SLC24A2: variants seen among roughly 807,000 people sequenced by gnomAD.
The protein encoded by SLC24A2 is solute carrier family 24 member 2.
SLC24A2 carries 36 observed loss-of-function variants against 62.0 expected under a neutral mutation model. The ratio of observed to expected loss-of-function variants is 0.58; its 90% CI spans 0.44 to 0.77. The LOEUF (loss-of-function observed/expected upper bound fraction) is 0.77, where lower values mean the gene tolerates loss of function less well. Ranked by LOEUF, SLC24A2 falls within the 30% of genes least tolerant of loss-of-function variation. SLC24A2 has a pLI of 0.00. For missense variants in SLC24A2, 846 were observed against 817.9 expected (o/e 1.03, Z -0.42); for synonymous variants, 358 against 294.0 (o/e 1.22, Z -2.23).
chr9:19,601,628 A>G (rs1836843476), intron 4 of SLC24A2, among the ~76,000 whole-genome samples: 1 of 141,920 alleles, frequency 7.0e-6, no homozygotes, highest in African/African-American at 2.7e-5. Context: ...AGATAATTTT[A>G]AACACTGACA....
chr9:20,024,568 C>T, the SLC24A2 span, among the ~76,000 whole-genome samples: 3,526 of 152,128 alleles, frequency 0.023, 139 homozygotes, highest in African/African-American at 0.08. Flanking sequence ...GCATTGGGAA[C>T]GTGATAAGAT....
In SLC24A2 at chr9:19,507,532, T is replaced by C. The variant is rs543018986; in HGVS notation, c.*8621A>G. On this transcript the variant is annotated 3_prime_UTR_variant, in exon 11 of 11. Transcript: ENST00000341998. ...GTTACATAAAGTGATATTCTATGAA[T>C]TGATTATCAGTAGTAGAAGCACAAA... is the stretch of plus-strand genomic sequence containing the variant. The C allele has an allele frequency of 1.5e-3, 235 of 152,336 alleles. No homozygotes were observed. Among genetic ancestry groups the C allele is most frequent in the African/African-American group, 5.5e-3 (227 of 41,570 alleles). The allele number at this position is 152,336 out of a possible 1,614,324, so 9.4% of individuals were successfully genotyped here. A position where few individuals can be genotyped will look rare whatever the true frequency, so the allele number is the denominator to read the frequency against.
the SLC24A2 span, among the ~76,000 whole-genome samples, chr9:20,244,357 G>A: frequency 3.9e-5 from 6 of 152,212 alleles, no homozygotes; most frequent in African/African-American, 1.4e-4. Flanking sequence ...CAGGAAGGAG[G>A]GAACATTATC....
At chr9:19,849,215 GA>G in the SLC24A2 span, among the ~76,000 whole-genome samples, 10 of 152,106 alleles carry the variant, frequency 6.6e-5, no homozygotes, top group East Asian at 1.7e-3. Context: ...AATGAGGCAA[GA>G]AAAAAACAAG....
At chr9:20,287,585 C>T in the SLC24A2 span, among the ~76,000 whole-genome samples, 2 of 152,206 alleles carry the variant, frequency 1.3e-5, no homozygotes, top group Non-Finnish European at 2.9e-5. Flanking sequence ...AGTTTTTTAA[C>T]ACCTACTCTG....
In SLC24A2 at chr9:19,513,573, A is replaced by T. The variant is rs1832813037; in HGVS notation, c.*2580T>A. ...TGTGAAGTGGAGCTCCGAGACAAGC[A>T]AAGGGCACCATAGCTGCTTTGATCA... On this transcript the variant is annotated 3_prime_UTR_variant, in exon 11 of 11. Transcript: ENST00000341998. The T allele has an allele frequency of 6.6e-6, 1 of 152,130 alleles. No individual in the cohort carries two copies. 9.4% of individuals were successfully genotyped at this position (152,130 alleles called of 1,614,324 possible).
At chr9:19,726,394 T>G (rs1398163935) in intron 2 of SLC24A2, among the ~76,000 whole-genome samples, 2 of 152,226 alleles carry the variant, frequency 1.3e-5, no homozygotes, top group Non-Finnish European at 2.9e-5. Context: ...TAAGCTTGTG[T>G]TATTCTCATT....
At chr9:19,845,630 C>T in the SLC24A2 span, among the ~76,000 whole-genome samples, 2 of 152,002 alleles carry the variant, frequency 1.3e-5, no homozygotes, top group African/African-American at 4.8e-5. Context: ...TTTTCTTCTG[C>T]TAGGTTTGGG....
the SLC24A2 span, among the ~76,000 whole-genome samples, chr9:20,136,891 T>G: frequency 6.6e-6 from 1 of 152,270 alleles, no homozygotes; most frequent in African/African-American, 2.4e-5. Flanking sequence ...CTTTTTAACC[T>G]TCTCACAAGG....
At chr9:19,903,595 A>G in the SLC24A2 span, among the ~76,000 whole-genome samples, 1 of 152,196 alleles carries the variant, frequency 6.6e-6, no homozygotes, top group Non-Finnish European at 1.5e-5. Context: ...AAGAAAAGAG[A>G]CAGAGGTAGA....
the SLC24A2 span, among the ~76,000 whole-genome samples, chr9:20,153,118 C>A: frequency 6.6e-6 from 1 of 151,924 alleles, no homozygotes; most frequent in East Asian, 1.9e-4. Flanking sequence ...TTACCCAAGT[C>A]CCTATATTCC....
the SLC24A2 span, among the ~76,000 whole-genome samples, chr9:20,209,412 T>C: frequency 6.6e-6 from 1 of 152,198 alleles, no homozygotes; most frequent in Non-Finnish European, 1.5e-5. Context: ...AACCTCTGTG[T>C]CCTGTAAAAA....
chr9:20,190,937 G>A, the SLC24A2 span, among the ~76,000 whole-genome samples: 2 of 152,176 alleles, frequency 1.3e-5, no homozygotes, highest in Non-Finnish European at 2.9e-5. Context: ...TTCTCCAAAA[G>A]TGTTAACTGT....
the SLC24A2 span, chr9:19,967,874 C>T: frequency 6.6e-6 from 1 of 152,160 alleles, no homozygotes; most frequent in South Asian, 2.1e-4. Context: ...TGGGTTGATT[C>T]AGGCTTGGAC....
chr9:20,151,770 T>A, the SLC24A2 span, among the ~76,000 whole-genome samples: 244 of 151,900 alleles, frequency 1.6e-3, 1 homozygote, highest in Non-Finnish European at 3.1e-3. Context: ...CTACATATTC[T>A]GGTTCACTTT....
At chr9:19,606,922 T>C (rs1837000098) in intron 4 of SLC24A2, among the ~76,000 whole-genome samples, 1 of 152,182 alleles carries the variant, frequency 6.6e-6, no homozygotes, top group African/African-American at 2.4e-5. Context: ...GAGTTTACAA[T>C]ATGATCAGCA....
chr9:20,279,746 G>A, the SLC24A2 span, among the ~76,000 whole-genome samples: 56 of 152,224 alleles, frequency 3.7e-4, no homozygotes, highest in Middle Eastern at 3.4e-3. Flanking sequence ...ATGTTAAGGG[G>A]TAGAAAAATT....
At chr9:19,837,649 A>G in the SLC24A2 span, among the ~76,000 whole-genome samples, 2 of 152,034 alleles carry the variant, frequency 1.3e-5, no homozygotes, top group South Asian at 2.1e-4. Flanking sequence ...CAGATGACAT[A>G]ATTGTATATC....
At chr9:20,081,543 T>C in the SLC24A2 span, among the ~76,000 whole-genome samples, 1 of 151,192 alleles carries the variant, frequency 6.6e-6, no homozygotes, top group East Asian at 1.9e-4. Flanking sequence ...GATGAGTTAA[T>C]GGGTGCAGCA....
Sources: allele counts gnomAD v4.1 joint callset (sites outside exome capture counted in the v4.1 genomes callset), GRCh38; gene constraint gnomAD v4.1.1; transcripts MANE v1.5; gene names NCBI Gene and HGNC (gene_info 2026-07-23, HGNC 2026-07-21).